GRM5: variants seen among roughly 807,000 people sequenced by gnomAD.
The protein encoded by GRM5 is glutamate metabotropic receptor 5.
Under a neutral mutation model 83.1 loss-of-function variants are expected in GRM5, and 19 were observed. The observed-to-expected ratio is 0.23, with a 90% CI of 0.16 to 0.34. The LOEUF (loss-of-function observed/expected upper bound fraction) is 0.34. Among genes scored for constraint, GRM5 ranks in the 10% least tolerant of loss-of-function variants. The pLI is 1.00. For synonymous variants in GRM5, 675 were observed against 633.6 expected (o/e 1.07, Z -0.98); for missense variants, 1,160 against 1,588.3 (o/e 0.73, Z 4.58).
intron 4 of GRM5, among the ~76,000 whole-genome samples, chr11:88,622,368 T>C (rs897007088): frequency 1.3e-5 from 2 of 152,344 alleles, no homozygotes; most frequent in East Asian, 3.9e-4. Context: ...CCCAGTTCAA[T>C]CTGACTCTTT....
At chr11:88,798,825 A>AAAAAAAAAAAAAAAAAAC (rs777932007) in intron 3 of GRM5, among the ~76,000 whole-genome samples, 5 of 145,292 alleles carry the variant, frequency 3.4e-5, no homozygotes, top group Admixed American at 1.6e-4. Context: ...AAAAAAAAAA[A>AAAAAAAAAAAAAAAAAAC]AACAACAACA....
At chr11:88,657,128 CAAG>C (rs1241363017) in intron 3 of GRM5, among the ~76,000 whole-genome samples, 1 of 152,114 alleles carries the variant, frequency 6.6e-6, no homozygotes, top group Non-Finnish European at 1.5e-5. Flanking sequence ...TGTCTTTAAA[CAAG>C]AACACACATA....
rs574480603 is a variant in GRM5, at chr11:88,581,128, T to G, written c.1690+9473A>C. On this transcript the variant is annotated intron_variant, in intron 7 of 9. Transcript: ENST00000305447. ...ATTCCATCTCAATAAATAAATAAAT[T>G]TAAATAAATAAATAAATAAACACAG... 9.2e-5 allele frequency among the ~76,000 whole-genome samples: 14 copies of G among 151,946 alleles called. No individual in the cohort carries two copies. The East Asian group carries it at 1.4e-3, about 15-fold the overall frequency.
chr11:88,667,779 G>A (rs980489932), intron 3 of GRM5, among the ~76,000 whole-genome samples: 1 of 152,052 alleles, frequency 6.6e-6, no homozygotes, highest in South Asian at 2.1e-4. Flanking sequence ...TGTAGTCCCA[G>A]CTACTTGGGA....
At position 88,683,612 on chromosome 11, in the gene GRM5, T is replaced by C. The variant is rs145530255; in HGVS notation, c.912-30209A>G. Among the ~76,000 whole-genome samples, 307 of 152,338 alleles carry C rather than the reference T, an allele frequency of 2.0e-3. 2 individuals carry two copies. The highest frequency in any genetic ancestry group is 7.0e-3 in the African/African-American group (292 of 41,586). On this transcript the variant is annotated intron_variant, in intron 3 of 9. Transcript: ENST00000305447. ...TTGAAAAGCCTTATTTGGAAATTAG[T>C]TTACCATATAAATTAATTTATAGTT... is the stretch of plus-strand genomic sequence containing the variant.
At chr11:89,060,163 G>A (rs2135171131) in intron 1 of GRM5, among the ~76,000 whole-genome samples, 1 of 151,922 alleles carries the variant, frequency 6.6e-6, no homozygotes, top group East Asian at 1.9e-4. Context: ...CAAAACAAAG[G>A]AAACACGGTA....
At chr11:88,923,602 A>G (rs1467042504) in intron 2 of GRM5, among the ~76,000 whole-genome samples, 1 of 152,116 alleles carries the variant, frequency 6.6e-6, no homozygotes, top group Non-Finnish European at 1.5e-5. Flanking sequence ...CCAAAAATAT[A>G]GTTAGATAGA....
intron 8 of GRM5, among the ~76,000 whole-genome samples, chr11:88,549,425 G>C (rs1341122177): frequency 1.3e-5 from 2 of 149,388 alleles, no homozygotes; most frequent in Admixed American, 6.7e-5. Context: ...GGGTGACAGA[G>C]CCACACCTTG....
At chr11:88,649,527 AAATTTTATTTGCT>A (rs1939576728) in intron 4 of GRM5, among the ~76,000 whole-genome samples, 1 of 146,524 alleles carries the variant, frequency 6.8e-6, no homozygotes, top group African/African-American at 2.5e-5. Context: ...AAAATTCTTG[AAATTTTATTTGCT>A]AATTTTATTT....
rs112939077 is a variant in GRM5 at position 88,681,085 on chromosome 11, T to C, written c.912-27682A>G. On this transcript the variant is annotated intron_variant, in intron 3 of 9. Coordinates refer to ENST00000305447, the MANE Select transcript of GRM5 (RefSeq NM_001143831.3). Reference sequence around the variant, plus strand: ...GATTTTTCCCTTCAAGACACATGTATGGACTTGGTCTCAGAACTCTTGTCA... The same window carrying C: ...GATTTTTCCCTTCAAGACACATGTACGGACTTGGTCTCAGAACTCTTGTCA... Among the ~76,000 whole-genome samples the C allele has an allele frequency of 1.1e-3, 171 of 150,090 alleles. 2 individuals carry two copies. Among genetic ancestry groups the C allele is most frequent in the African/African-American group, 3.8e-3 (157 of 41,170 alleles).
chr11:88,592,517 G>A (rs901230136), intron 6 of GRM5, among the ~76,000 whole-genome samples: 4 of 152,136 alleles, frequency 2.6e-5, no homozygotes, highest in Non-Finnish European at 5.9e-5. Context: ...GCAAATAAAA[G>A]CAGTTGCATT....
chr11:88,892,918 A>G (rs1324602363), intron 2 of GRM5, among the ~76,000 whole-genome samples: 2 of 152,030 alleles, frequency 1.3e-5, no homozygotes, highest in African/African-American at 4.8e-5. Context: ...AATAAAGCCA[A>G]GAAACTTCAT....
At chr11:88,643,639 A>G (rs1490776699) in intron 4 of GRM5, among the ~76,000 whole-genome samples, 1 of 152,172 alleles carries the variant, frequency 6.6e-6, no homozygotes, top group African/African-American at 2.4e-5. Context: ...TGGTGCAAGG[A>G]TGAGGAATCT....
intron 3 of GRM5, among the ~76,000 whole-genome samples, chr11:88,821,813 A>G (rs562703723): frequency 6.6e-6 from 1 of 152,260 alleles, no homozygotes; most frequent in Admixed American, 6.5e-5. Flanking sequence ...CTTGAAAAAC[A>G]CCCTTAACTC....
Position 88,995,788 on chromosome 11 carries a change from G to C in GRM5, c.661+51424C>G, listed in dbSNP as rs574042277. On this transcript the variant is annotated intron_variant, in intron 2 of 9. Transcript: ENST00000305447. ...ATATAGGTTGTATCAGACATGTGAA[G>C]GGTACCCAGCAAAACTCAAATCTTG... 1.2e-4 allele frequency among the ~76,000 whole-genome samples: 19 copies of C among 152,106 alleles called. 1 individual carries two copies. In the South Asian group the frequency reaches 3.7e-3, roughly 30 times the overall value.
intron 3 of GRM5, among the ~76,000 whole-genome samples, chr11:88,766,870 C>T (rs961873080): frequency 6.6e-6 from 1 of 151,896 alleles, no homozygotes; most frequent in Non-Finnish European, 1.5e-5. Context: ...AACCAAACAA[C>T]CCCATTAAAA....
intron 2 of GRM5, among the ~76,000 whole-genome samples, chr11:88,926,394 G>A (rs1945790244): frequency 6.6e-6 from 1 of 152,124 alleles, no homozygotes. Context: ...AGTACTTATT[G>A]CTTTAAAATG....
At chr11:88,675,301 C>G (rs1591432485) in intron 3 of GRM5, among the ~76,000 whole-genome samples, 3 of 151,898 alleles carry the variant, frequency 2.0e-5, no homozygotes, top group Admixed American at 2.0e-4. Context: ...TCACTGGATT[C>G]ATTGCTTGTC....
At chr11:88,842,561 T>G (rs1944221984) in intron 3 of GRM5, among the ~76,000 whole-genome samples, 1 of 152,202 alleles carries the variant, frequency 6.6e-6, no homozygotes, top group Non-Finnish European at 1.5e-5. Context: ...TTTCACTTGA[T>G]CTCCTAAATT....
Sources: allele counts gnomAD v4.1 joint callset (sites outside exome capture counted in the v4.1 genomes callset), GRCh38; gene constraint gnomAD v4.1.1; transcripts MANE v1.5; gene names NCBI Gene and HGNC (gene_info 2026-07-23, HGNC 2026-07-21).